RBFOX1: variants seen among roughly 807,000 people sequenced by gnomAD.
The protein encoded by RBFOX1 is RNA binding fox-1 homolog 1.
A neutral mutation model predicts 57.7 loss-of-function variants in RBFOX1; 8 were observed. That is an observed-to-expected ratio of 0.14 (90% confidence interval 0.08 to 0.25). The LOEUF is 0.25. Ranked by LOEUF, RBFOX1 falls within the 10% of genes least tolerant of loss-of-function variation. The probability of loss-of-function intolerance (pLI) is 1.00; values close to 1 mark genes in which losing one functional copy is unlikely to be tolerated. For missense variants in RBFOX1, 611 were observed against 548.5 expected (o/e 1.11, Z -1.14); for synonymous variants, 326 against 222.4 (o/e 1.47, Z -4.15).
chr16:6,116,578 G>T (rs2096497835), intron 1 of RBFOX1, among the ~76,000 whole-genome samples: 1 of 152,212 alleles, frequency 6.6e-6, no homozygotes, highest in Non-Finnish European at 1.5e-5. Flanking sequence ...CAGTGCAGGT[G>T]AGGAGAGGAG....
intron 1 of RBFOX1, among the ~76,000 whole-genome samples, chr16:5,443,680 A>G (rs1222724773): frequency 5.3e-5 from 8 of 152,212 alleles, no homozygotes; most frequent in Non-Finnish European, 8.8e-5. Flanking sequence ...TGCCTCCCCC[A>G]TATAATAGCT....
intron 4 of RBFOX1, among the ~76,000 whole-genome samples, chr16:5,934,264 C>T (rs534638440): frequency 3.3e-5 from 5 of 152,230 alleles, no homozygotes; most frequent in East Asian, 1.9e-4. Flanking sequence ...CCAAAGCTCC[C>T]CAGCTTCCCT....
At position 6,657,397 on chromosome 16, in the gene RBFOX1, T is replaced by C. The variant is rs180779025; in HGVS notation, c.-16+2747T>C. The stretch of plus-strand genomic sequence containing the variant: ...TGAACAGTCAAGAAGCAAACGCTAA[T>C]GATCCCTGAGGGACGGCGTGCCCCT... On this transcript the variant is annotated intron_variant, in intron 3 of 15. Coordinates refer to ENST00000550418, the MANE Select transcript of RBFOX1 (RefSeq NM_018723.4). Among the ~76,000 whole-genome samples, 9 of 152,242 alleles carry C rather than the reference T, an allele frequency of 5.9e-5. No individual in the cohort carries two copies. The East Asian group carries it at 1.8e-3, about 30-fold the overall frequency.
At chr16:5,260,045 AC>A (rs2062695160) in intron 1 of RBFOX1, among the ~76,000 whole-genome samples, 1 of 152,192 alleles carries the variant, frequency 6.6e-6, no homozygotes, top group South Asian at 2.1e-4. Flanking sequence ...TACTAAAAAT[AC>A]AAAAATTAGT....
At chr16:6,603,426 A>C (rs1468062621) in intron 2 of RBFOX1, among the ~76,000 whole-genome samples, 1 of 152,204 alleles carries the variant, frequency 6.6e-6, no homozygotes, top group Non-Finnish European at 1.5e-5. Flanking sequence ...CACAAAACAA[A>C]AATCTTTTTG....
intron 2 of RBFOX1, among the ~76,000 whole-genome samples, chr16:6,524,140 C>T (rs181810231): frequency 2.5e-4 from 38 of 152,282 alleles, no homozygotes; most frequent in African/African-American, 4.1e-4. Context: ...TTTCCTCCCC[C>T]GACACTACCT....
chr16:5,388,144 G>C lies in RBFOX1; in HGVS notation c.220-79072G>C, dbSNP rs370053759. ...TTCTGACCTCCAGAAATGTAAGATA[G>C]TACATTTGTGTTTTAAGCCACTAAT... On this transcript the variant is annotated intron_variant, in intron 1 of 2. Coordinates refer to the RBFOX1 transcript ENST00000585867. Among the ~76,000 whole-genome samples, 5 of 152,308 alleles carry C rather than the reference G, an allele frequency of 3.3e-5. No homozygotes were observed. The East Asian group carries it at 5.8e-4, about 18-fold the overall frequency.
chr16:5,444,028 C>G (rs527953156), intron 1 of RBFOX1, among the ~76,000 whole-genome samples: 1 of 152,188 alleles, frequency 6.6e-6, no homozygotes, highest in Non-Finnish European at 1.5e-5. Context: ...TGATTTTCAG[C>G]CCATTCCAGT....
At chr16:6,761,701 T>G (rs2076629994) in intron 3 of RBFOX1, among the ~76,000 whole-genome samples, 2 of 151,592 alleles carry the variant, frequency 1.3e-5, no homozygotes, top group African/African-American at 4.8e-5. Flanking sequence ...GAGACGAGGT[T>G]TCACGAACTT....
chr16:6,621,565 C>G (rs545782936), intron 2 of RBFOX1, among the ~76,000 whole-genome samples: 1 of 152,286 alleles, frequency 6.6e-6, no homozygotes, highest in East Asian at 1.9e-4. Context: ...TCGGCAAAGC[C>G]CCTTTTTTCC....
chr16:6,020,981 C>G lies in RBFOX1; in HGVS notation c.-127+989C>G, dbSNP rs868357065. 3.9e-4 allele frequency among the ~76,000 whole-genome samples: 60 copies of G among 152,166 alleles called. 1 individual carries two copies. The highest frequency in any genetic ancestry group is 2.2e-3 in the Admixed American group (33 of 15,282). The stretch of plus-strand genomic sequence containing the variant: ...CAGGGGGCTGGGAGAGCTCATCGCT[C>G]CTGTGTGGGCCAGAGCTGGGGTGCA... On this transcript the variant is annotated intron_variant, in intron 1 of 15. Transcript: ENST00000550418.
At chr16:7,640,200 A>G (rs1299175730) in intron 11 of RBFOX1, among the ~76,000 whole-genome samples, 1 of 152,172 alleles carries the variant, frequency 6.6e-6, no homozygotes, top group African/African-American at 2.4e-5. Flanking sequence ...CATAATCATA[A>G]CCCACTTTGT....
At chr16:7,705,574 T>G in intron 14 of RBFOX1, among the ~76,000 whole-genome samples, 1 of 152,120 alleles carries the variant, frequency 6.6e-6, no homozygotes, top group East Asian at 1.9e-4. Flanking sequence ...AGATGAAGAT[T>G]GAAAGAGGGA....
chr16:7,201,997 A>G (rs1298375603), intron 4 of RBFOX1, among the ~76,000 whole-genome samples: 5 of 152,166 alleles, frequency 3.3e-5, no homozygotes, highest in African/African-American at 1.2e-4. Flanking sequence ...ATGTGTTAGG[A>G]GGATATGCAT....
chr16:6,715,413 C>T (rs1162366814), intron 3 of RBFOX1, among the ~76,000 whole-genome samples: 2 of 152,010 alleles, frequency 1.3e-5, no homozygotes, highest in African/African-American at 2.4e-5. Context: ...TATGTGATGC[C>T]ATTTAACATA....
rs559169233 is a variant in RBFOX1, at chr16:5,457,066, C to T, written c.220-10150C>T. Among the ~76,000 whole-genome samples the T allele has an allele frequency of 1.2e-4, 19 of 152,260 alleles. No individual in the cohort carries two copies. In the East Asian group the frequency reaches 1.9e-3, roughly 15 times the overall value. The stretch of plus-strand genomic sequence containing the variant: ...GCCGGTTTGGTTCCAGGGGAGGACT[C>T]GCTTCCTGGTTTGTGGATGGCTGTC... On this transcript the variant is annotated intron_variant, in intron 1 of 2. Transcript: ENST00000585867.
intron 2 of RBFOX1, among the ~76,000 whole-genome samples, chr16:5,541,611 G>A (rs1303899707): frequency 6.6e-6 from 1 of 152,116 alleles, no homozygotes; most frequent in Non-Finnish European, 1.5e-5. Context: ...GCGAGCAGAG[G>A]GAAGAGTTTG....
intron 4 of RBFOX1, among the ~76,000 whole-genome samples, chr16:7,053,558 A>G (rs2050837080): frequency 6.6e-6 from 1 of 152,232 alleles, no homozygotes. Context: ...ATGCCTGAGA[A>G]TTAAGATAAT....
At chr16:5,440,256 C>T (rs942873387) in intron 1 of RBFOX1, among the ~76,000 whole-genome samples, 3 of 152,174 alleles carry the variant, frequency 2.0e-5, no homozygotes, top group African/African-American at 4.8e-5. Context: ...CTTTAGATAT[C>T]GTTCCAGGTA....
Sources: allele counts gnomAD v4.1 joint callset (sites outside exome capture counted in the v4.1 genomes callset), GRCh38; gene constraint gnomAD v4.1.1; transcripts MANE v1.5; gene names NCBI Gene and HGNC (gene_info 2026-07-23, HGNC 2026-07-21).